The following ITSN1 variants were observed in gnomAD, a reference collection of about 807,000 sequenced individuals.
ITSN1 encodes intersectin 1, also known as intersectin-1.
A neutral mutation model predicts 239.8 loss-of-function variants in ITSN1; 58 were observed. The observed-to-expected ratio is 0.24, with a 90% CI of 0.20 to 0.30. The LOEUF (loss-of-function observed/expected upper bound fraction) is 0.30, where lower values mean the gene tolerates loss of function less well. Ranked by LOEUF, ITSN1 falls within the 10% of genes least tolerant of loss-of-function variation. The pLI is 1.00. For missense variants in ITSN1, 1,558 were observed against 2,103.3 expected (o/e 0.74, Z 5.07); for synonymous variants, 780 against 770.8 (o/e 1.01, Z -0.20).
At chr21:33,659,640 A>G (rs966965072) in intron 1 of ITSN1, among the ~76,000 whole-genome samples, 4 of 150,888 alleles carry the variant, frequency 2.7e-5, no homozygotes, top group Non-Finnish European at 4.4e-5. Context: ...CTTAAGCTAG[A>G]TAGGTGAACA....
chr21:33,737,027 G>T (rs1160416533), intron 5 of ITSN1, among the ~76,000 whole-genome samples: 1 of 152,116 alleles, frequency 6.6e-6, no homozygotes, highest in Non-Finnish European at 1.5e-5. Flanking sequence ...TTTTCTTTTG[G>T]CTTTCTTCCA....
chr21:33,655,115 C>T (rs1335745542), intron 1 of ITSN1, among the ~76,000 whole-genome samples: 1 of 151,788 alleles, frequency 6.6e-6, no homozygotes, highest in Non-Finnish European at 1.5e-5. Flanking sequence ...CATGGAAGTA[C>T]CAAAATTTAA....
At chr21:33,834,023 T>C (rs1602518840) in intron 27 of ITSN1, among the ~76,000 whole-genome samples, 1 of 152,140 alleles carries the variant, frequency 6.6e-6, no homozygotes, top group Non-Finnish European at 1.5e-5. Flanking sequence ...ATTACATGAG[T>C]AGAATTTCCT....
rs187703304 is a variant in ITSN1, at chr21:33,679,132, C to T, written c.-33+36419C>T. The stretch of plus-strand genomic sequence containing the variant: ...GAGATTACATCATCTTATATTTACC[C>T]TTAAAGAGTGTTTCCCGAATCATAA... On this transcript the variant is annotated intron_variant, in intron 1 of 39. Coordinates refer to ENST00000381318, the MANE Select transcript of ITSN1 (RefSeq NM_003024.3). Among the ~76,000 whole-genome samples, 410 of 152,252 alleles carry T rather than the reference C, an allele frequency of 2.7e-3. 2 individuals carry two copies. The highest frequency in any genetic ancestry group is 9.4e-3 in the African/African-American group (392 of 41,536).
At chr21:33,801,536 C>T (rs1281699354) in intron 19 of ITSN1, among the ~76,000 whole-genome samples, 1 of 152,146 alleles carries the variant, frequency 6.6e-6, no homozygotes, top group African/African-American at 2.4e-5. Flanking sequence ...GATCTTGGCT[C>T]ACTGCAGTTT....
At chr21:33,726,948 A>C (rs886692919) in intron 4 of ITSN1, among the ~76,000 whole-genome samples, 3 of 152,242 alleles carry the variant, frequency 2.0e-5, no homozygotes, top group Non-Finnish European at 2.9e-5. Context: ...TATATGTTAG[A>C]AACCTTTATT....
chr21:33,671,895 T>A lies in ITSN1; in HGVS notation c.-33+29182T>A, dbSNP rs1454944924. Among the ~76,000 whole-genome samples the A allele has an allele frequency of 2.6e-5, 4 of 152,266 alleles. No homozygotes were observed. The South Asian group carries it at 6.2e-4, about 24-fold the overall frequency. On this transcript the variant is annotated intron_variant, in intron 1 of 39. Transcript: ENST00000381318. ...TGTATATCCATCTTGTCCTTTTTTG[T>A]ACATTTGTAGTTTTTTTCCATTCAA... is the stretch of plus-strand genomic sequence containing the variant.
intron 1 of ITSN1, among the ~76,000 whole-genome samples, chr21:33,658,076 A>G (rs1360578570): frequency 6.6e-6 from 1 of 152,246 alleles, no homozygotes; most frequent in Non-Finnish European, 1.5e-5. Context: ...AACATAGTCC[A>G]TGAACGCATA....
chr21:33,695,185 A>G (rs1438896346), intron 1 of ITSN1, among the ~76,000 whole-genome samples: 2 of 152,190 alleles, frequency 1.3e-5, no homozygotes, highest in African/African-American at 4.8e-5. Context: ...TTGCCCTCCC[A>G]CCAGTGGTGT....
At chr21:33,874,668 G>A (rs1283755757) in intron 33 of ITSN1, among the ~76,000 whole-genome samples, 2 of 45,208 alleles carry the variant, frequency 4.4e-5, no homozygotes, top group Non-Finnish European at 8.9e-5. Context: ...TTTTTTTTTT[G>A]AGACGGAGCC....
chr21:33,782,185 C>T, intron 16 of ITSN1, 52 bp downstream of exon 16: 1 of 1,556,398 alleles, frequency 6.4e-7, no homozygotes, highest in Non-Finnish European at 8.8e-7. Flanking sequence ...ATTTTTTTAA[C>T]TGTCCAAATG....
chr21:33,895,470 TGTGCATGGGTTTGC>T lies in ITSN1; in HGVS notation c.*7178_*7191del, dbSNP rs1986668829. 1.3e-5 allele frequency: 2 copies of T among 152,098 alleles called. No individual in the cohort carries two copies. The highest frequency in any genetic ancestry group is 2.9e-5 in the Non-Finnish European group (2 of 68,248). 9.4% of individuals were successfully genotyped at this position (152,098 alleles called of 1,614,324 possible). ...GTTTGTGCGTGCACGTGTGCGTGTG[TGTGCATGGGTTTGC>T]GTGCATGCATGTGTGTGCGTGCGCG... On this transcript the variant is annotated 3_prime_UTR_variant, in exon 40 of 40. Coordinates refer to ENST00000381318, the MANE Select transcript of ITSN1 (RefSeq NM_003024.3).
chr21:33,740,204 G>T (rs1259354728), intron 5 of ITSN1, among the ~76,000 whole-genome samples: 2 of 152,186 alleles, frequency 1.3e-5, no homozygotes, highest in Non-Finnish European at 2.9e-5. Context: ...AGATTTCCGA[G>T]TTGGGATGTT....
At chr21:33,675,127 A>G (rs1430711876) in intron 1 of ITSN1, among the ~76,000 whole-genome samples, 1 of 152,166 alleles carries the variant, frequency 6.6e-6, no homozygotes, top group Non-Finnish European at 1.5e-5. Flanking sequence ...TTTTCATATC[A>G]TTAGATGTAA....
At chr21:33,751,123 C>G (rs1409955545) in intron 6 of ITSN1, among the ~76,000 whole-genome samples, 2 of 151,978 alleles carry the variant, frequency 1.3e-5, no homozygotes, top group South Asian at 2.1e-4. Flanking sequence ...TAGATTTTTT[C>G]TTGTCACATG....
chr21:33,772,014 C>T (rs370576136), intron 11 of ITSN1, 47 bp from the exon 12 acceptor site: 23 of 1,593,664 alleles, frequency 1.4e-5, no homozygotes, highest in African/African-American at 9.5e-5. Context: ...GAAAAGAGTC[C>T]GTTGAAAATC....
chr21:33,838,558 C>A, intron 29 of ITSN1: 1 of 645,718 alleles, frequency 1.5e-6, no homozygotes, highest in Non-Finnish European at 1.9e-6. Flanking sequence ...AGGAACCAAG[C>A]AGACTAGATG....
intron 1 of ITSN1, among the ~76,000 whole-genome samples, chr21:33,710,843 G>A (rs1011602320): frequency 2.7e-5 from 4 of 146,048 alleles, no homozygotes; most frequent in Non-Finnish European, 3.0e-5. Context: ...GTCTTGCTCC[G>A]TCGCCAGGCT....
intron 33 of ITSN1, among the ~76,000 whole-genome samples, chr21:33,868,355 C>T (rs1475328393): frequency 4.1e-4 from 63 of 152,386 alleles, no homozygotes; most frequent in Admixed American, 3.0e-3. Context: ...GGACTGGGCG[C>T]CGTGGAGCAG....
Sources: allele counts gnomAD v4.1 joint callset (sites outside exome capture counted in the v4.1 genomes callset), GRCh38; gene constraint gnomAD v4.1.1; transcripts MANE v1.5; gene names NCBI Gene and HGNC (gene_info 2026-07-23, HGNC 2026-07-21).